Variants in EZH2 observed in about 807,000 individuals in gnomAD.
EZH2 encodes histone-lysine N-methyltransferase EZH2.
Under a neutral mutation model 98.4 loss-of-function variants are expected in EZH2, and 18 were observed. That is an observed-to-expected ratio of 0.18 (90% CI 0.13 to 0.27). EZH2 has a LOEUF of 0.27. EZH2 is among the 10% of genes least tolerant of loss of function. The pLI, the probability that EZH2 is intolerant of heterozygous loss-of-function variation, is 1.00. For synonymous variants in EZH2, 338 were observed against 312.3 expected (o/e 1.08, Z -0.87); for missense variants, 470 against 935.1 (o/e 0.50, Z 6.49).
intron 1 of EZH2, among the ~76,000 whole-genome samples, chr7:148,876,521 A>G (rs1820191809): frequency 6.6e-6 from 1 of 152,246 alleles, no homozygotes; most frequent in Admixed American, 6.5e-5. Context: ...TATTAAAACT[A>G]GAAATGTTCA....
At chr7:148,825,351 G>C (rs930353708) in intron 8 of EZH2, among the ~76,000 whole-genome samples, 3 of 152,282 alleles carry the variant, frequency 2.0e-5, no homozygotes, top group Admixed American at 2.0e-4. Context: ...ACTAGATGAG[G>C]AGTTAGAACA....
intron 3 of EZH2, chr7:148,836,736 A>G: frequency 2.4e-6 from 1 of 418,734 alleles, no homozygotes; most frequent in South Asian, 1.9e-5. Context: ...GGGGGGGACT[A>G]GAATCATTAC....
At chr7:148,844,549 T>C (rs1273207859) in intron 3 of EZH2, among the ~76,000 whole-genome samples, 2 of 152,190 alleles carry the variant, frequency 1.3e-5, no homozygotes, top group African/African-American at 4.8e-5. Context: ...TGGGGATTAT[T>C]TTCCTCCTTT....
At chr7:148,818,409 A>G (rs1805153348) in intron 9 of EZH2, among the ~76,000 whole-genome samples, 2 of 152,220 alleles carry the variant, frequency 1.3e-5, no homozygotes, top group South Asian at 4.1e-4. Context: ...AATTAAGTTA[A>G]AATATAAGAA....
chr7:148,866,635 T>C (rs1320456336), intron 1 of EZH2, among the ~76,000 whole-genome samples: 1 of 146,730 alleles, frequency 6.8e-6, no homozygotes, highest in Non-Finnish European at 1.5e-5. Flanking sequence ...TATGTATATA[T>C]ACATATACAT....
At chr7:148,879,697 T>A (rs376393544) in intron 1 of EZH2, among the ~76,000 whole-genome samples, 21 of 151,644 alleles carry the variant, frequency 1.4e-4, no homozygotes, top group African/African-American at 4.8e-4. Context: ...CTCAAAAAAA[T>A]AAATAATAAA....
At chr7:148,875,603 G>A (rs1277450854) in intron 1 of EZH2, among the ~76,000 whole-genome samples, 3 of 152,192 alleles carry the variant, frequency 2.0e-5, no homozygotes, top group African/African-American at 7.2e-5. Context: ...AACACGAAGT[G>A]TCAATGAAAA....
intron 5 of EZH2, 76 bp from the exon 6 acceptor site, chr7:148,828,956 G>T: frequency 7.0e-7 from 1 of 1,425,710 alleles, no homozygotes; most frequent in South Asian, 1.3e-5. Context: ...TTTCTACTTG[G>T]ACAAAACAGG....
intron 1 of EZH2, among the ~76,000 whole-genome samples, chr7:148,857,002 A>C (rs115583691): frequency 0.013 from 1,931 of 152,322 alleles, 37 homozygotes; most frequent in African/African-American, 0.044. Flanking sequence ...GTGAAAAAAA[A>C]CCATAACCAT....
At chr7:148,850,665 C>A (rs1355693115) in intron 1 of EZH2, among the ~76,000 whole-genome samples, 1 of 152,156 alleles carries the variant, frequency 6.6e-6, no homozygotes, top group East Asian at 1.9e-4. Context: ...AGTGCTTCAA[C>A]AGCAAGAACC....
intron 1 of EZH2, among the ~76,000 whole-genome samples, chr7:148,864,538 A>C (rs1818152770): frequency 6.6e-6 from 1 of 151,994 alleles, no homozygotes; most frequent in African/African-American, 2.4e-5. Flanking sequence ...CAAATTAGCC[A>C]GGCGTGATGG....
At chr7:148,835,940 A>G (rs1810794492) in intron 3 of EZH2, among the ~76,000 whole-genome samples, 1 of 152,208 alleles carries the variant, frequency 6.6e-6, no homozygotes, top group Admixed American at 6.5e-5. Flanking sequence ...AACAGAAAGA[A>G]CTTATGGAAG....
At chr7:148,870,403 T>C (rs1251568515) in intron 1 of EZH2, among the ~76,000 whole-genome samples, 1 of 152,068 alleles carries the variant, frequency 6.6e-6, no homozygotes, top group East Asian at 1.9e-4. Flanking sequence ...GCATACTGTT[T>C]AATAAGTATA....
At chr7:148,869,338 C>CTTTTTT (rs143589780) in intron 1 of EZH2, among the ~76,000 whole-genome samples, 19 of 80,284 alleles carry the variant, frequency 2.4e-4, no homozygotes, top group African/African-American at 8.7e-4. Flanking sequence ...CAGCAATAGC[C>CTTTTTT]TTTTTTTTTT....
At chr7:148,844,006 T>C (rs1185478094) in intron 3 of EZH2, among the ~76,000 whole-genome samples, 3 of 152,210 alleles carry the variant, frequency 2.0e-5, no homozygotes, top group Non-Finnish European at 4.4e-5. Context: ...AATTAGCTTA[T>C]AAAAGCAAGC....
chr7:148,847,085 T>C, intron 2 of EZH2, 97 bp downstream of exon 2: 1 of 1,405,032 alleles, frequency 7.1e-7, no homozygotes, highest in Non-Finnish European at 9.5e-7. Context: ...AATACAAACT[T>C]GGCTAGAATT....
intron 3 of EZH2, among the ~76,000 whole-genome samples, chr7:148,841,221 C>T (rs935308851): frequency 1.1e-4 from 17 of 149,592 alleles, no homozygotes; most frequent in African/African-American, 3.7e-4. Context: ...GCATAAAATG[C>T]TTATATTAGT....
At position 148,881,374 on chromosome 7, in the gene EZH2, C is replaced by T. The variant is rs1488668973; in HGVS notation, c.-8+2790G>A. Among the ~76,000 whole-genome samples the T allele has an allele frequency of 3.3e-5, 5 of 151,958 alleles. No homozygotes were observed. In the East Asian group the frequency reaches 9.6e-4, roughly 29 times the overall value. The stretch of plus-strand genomic sequence containing the variant: ...AATTTGCCTAAAATTTTTAAATGGC[C>T]AACATAAAGATATTCACTTAAATGT... On this transcript the variant is annotated intron_variant, in intron 1 of 19. Transcript: ENST00000320356.
intron 6 of EZH2, among the ~76,000 whole-genome samples, chr7:148,828,287 G>A (rs1563242066): frequency 6.6e-6 from 1 of 152,088 alleles, no homozygotes; most frequent in Non-Finnish European, 1.5e-5. Context: ...TTCTTTGCTA[G>A]CCAAAGGAAA....
Sources: gnomAD v4.1 joint callset for allele counts (sites outside exome capture counted in the v4.1 genomes callset) on GRCh38, gnomAD v4.1.1 for gene constraint, MANE v1.5 for transcripts, NCBI Gene and HGNC (gene_info 2026-07-23, HGNC 2026-07-21) for gene names.